The following LRP1B variants were observed in gnomAD, a reference collection of about 807,000 sequenced individuals.
The protein encoded by LRP1B is low-density lipoprotein receptor-related protein 1B.
LRP1B carries 217 observed loss-of-function variants against 556.6 expected under a neutral mutation model. The ratio of observed to expected loss-of-function variants is 0.39; its 90% CI spans 0.35 to 0.44. LRP1B has a LOEUF of 0.44. LRP1B is among the 20% of genes least tolerant of loss of function. The pLI is 1.00. For synonymous variants in LRP1B, 2,047 were observed against 1,865.8 expected, an observed-to-expected ratio of 1.10 and a Z score of -2.50; for missense variants, 5,053 against 5,620.8, an observed-to-expected ratio of 0.90 and a Z score of 3.23.
At chr2:141,341,469 C>T (rs1354177523) in intron 3 of LRP1B, among the ~76,000 whole-genome samples, 2 of 152,178 alleles carry the variant, frequency 1.3e-5, no homozygotes, top group African/African-American at 2.4e-5. Context: ...CTCTTTCCCT[C>T]CCTCTCTCTA....
At chr2:141,649,054 G>T (rs1442667255) in intron 2 of LRP1B, among the ~76,000 whole-genome samples, 1 of 152,222 alleles carries the variant, frequency 6.6e-6, no homozygotes, top group Non-Finnish European at 1.5e-5. Flanking sequence ...TAATAGAGAA[G>T]ACAGGGTAGG....
intron 11 of LRP1B, among the ~76,000 whole-genome samples, chr2:141,033,119 A>C (rs113623892): frequency 0.026 from 3,968 of 151,746 alleles, 73 homozygotes; most frequent in Non-Finnish European, 0.032. Flanking sequence ...CAGGACAGAA[A>C]ACAGCACGTG....
At chr2:142,110,240 C>T (rs1383269531) in intron 1 of LRP1B, among the ~76,000 whole-genome samples, 1 of 151,964 alleles carries the variant, frequency 6.6e-6, no homozygotes. Context: ...ATAGATGGTC[C>T]TTTTCTCCAT....
At chr2:141,624,036 C>CAAAAAAAAAAAAAAAAAAAGAAAAAA in intron 2 of LRP1B, among the ~76,000 whole-genome samples, 1 of 90,760 alleles carries the variant, frequency 1.1e-5, no homozygotes, top group Non-Finnish European at 2.1e-5. Flanking sequence ...AAAAATTAAA[C>CAAAAAAAAAAAAAAAAAAAGAAAAAA]AAAAAAAAAA....
intron 1 of LRP1B, among the ~76,000 whole-genome samples, chr2:142,098,261 G>A (rs1449577697): frequency 6.6e-6 from 1 of 151,730 alleles, no homozygotes; most frequent in Non-Finnish European, 1.5e-5. Context: ...ATTATCAAGA[G>A]TGCCAAATAC....
chr2:140,365,370 G>C (rs1682711997), intron 71 of LRP1B, among the ~76,000 whole-genome samples: 2 of 151,576 alleles, frequency 1.3e-5, no homozygotes, highest in South Asian at 4.1e-4. Context: ...TTTTTGGATT[G>C]TTAAAATGTT....
chr2:142,062,412 T>C (rs753767844), intron 1 of LRP1B, among the ~76,000 whole-genome samples: 20 of 151,748 alleles, frequency 1.3e-4, no homozygotes, highest in Non-Finnish European at 2.7e-4. Flanking sequence ...CCATGAAGCC[T>C]GCCAATCAAA....
intron 7 of LRP1B, among the ~76,000 whole-genome samples, chr2:141,104,151 T>C (rs1700541356): frequency 6.6e-6 from 1 of 152,076 alleles, no homozygotes; most frequent in Non-Finnish European, 1.5e-5. Context: ...TATCCATGTG[T>C]GCTAAATGTT....
chr2:140,263,102 A>T (rs1235390197), intron 86 of LRP1B, among the ~76,000 whole-genome samples: 3 of 151,974 alleles, frequency 2.0e-5, no homozygotes, highest in African/African-American at 7.2e-5. Flanking sequence ...TTTGGTAGAG[A>T]TGGACCAACT....
intron 1 of LRP1B, among the ~76,000 whole-genome samples, chr2:141,864,578 AAC>A (rs1491300870): frequency 2.6e-5 from 4 of 151,892 alleles, no homozygotes; most frequent in African/African-American, 9.6e-5. Flanking sequence ...AAAAAAAAAA[AAC>A]TTATGAAACT....
chr2:142,038,290 C>T (rs894797994), intron 1 of LRP1B, among the ~76,000 whole-genome samples: 4 of 151,312 alleles, frequency 2.6e-5, no homozygotes, highest in Non-Finnish European at 5.9e-5. Context: ...GTTTGGTCCC[C>T]GATGTAATTG....
chr2:140,446,567 T>A (rs997005486), intron 63 of LRP1B, among the ~76,000 whole-genome samples: 1 of 152,096 alleles, frequency 6.6e-6, no homozygotes, highest in African/African-American at 2.4e-5. Flanking sequence ...CATAGACTCT[T>A]GCATATAATT....
chr2:140,649,718 A>G (rs1242520647), intron 41 of LRP1B, among the ~76,000 whole-genome samples: 1 of 152,252 alleles, frequency 6.6e-6, no homozygotes, highest in Admixed American at 6.5e-5. Flanking sequence ...CCTCCTCACC[A>G]GATCCCGTGA....
chr2:140,500,855 C>G (rs1281130354), intron 55 of LRP1B, among the ~76,000 whole-genome samples: 1 of 151,892 alleles, frequency 6.6e-6, no homozygotes, highest in Non-Finnish European at 1.5e-5. Flanking sequence ...AAAATTTAAA[C>G]CCTGTAATGG....
At chr2:140,645,585 G>T (rs1408048917) in intron 41 of LRP1B, among the ~76,000 whole-genome samples, 1 of 135,742 alleles carries the variant, frequency 7.4e-6, no homozygotes, top group Non-Finnish European at 1.5e-5. Context: ...TGTCGCCCAG[G>T]CTGGAGTGCA....
chr2:140,970,079 G>A (rs1323301015), intron 18 of LRP1B, among the ~76,000 whole-genome samples: 1 of 152,140 alleles, frequency 6.6e-6, no homozygotes, highest in East Asian at 1.9e-4. Context: ...GGCCTTGCTA[G>A]GTTGGGGAAG....
At chr2:141,528,058 T>C (rs1050632410) in intron 2 of LRP1B, among the ~76,000 whole-genome samples, 2 of 151,852 alleles carry the variant, frequency 1.3e-5, no homozygotes, top group Non-Finnish European at 2.9e-5. Flanking sequence ...GCCTCTGATA[T>C]TTGACTCTGC....
chr2:141,291,855 CAAAAAAAAAAAAAAAAA>C (rs143819331), intron 3 of LRP1B, among the ~76,000 whole-genome samples: 7 of 99,314 alleles, frequency 7.0e-5, no homozygotes, highest in East Asian at 2.4e-4. Context: ...GACTCTGTCT[CAAAAAAAAAAAAAAAAA>C]AAAAAAAAAA....
In LRP1B at chr2:141,589,845, G is replaced by T. The variant is rs908100849; in HGVS notation, c.206-109312C>A. Among the ~76,000 whole-genome samples, 3 of 152,234 alleles carry T rather than the reference G, an allele frequency of 2.0e-5. No individual in the cohort carries two copies. The East Asian group carries it at 5.8e-4, about 29-fold the overall frequency. On this transcript the variant is annotated intron_variant, in intron 2 of 90. Transcript: ENST00000389484. The stretch of plus-strand genomic sequence containing the variant: ...TGGGTATGTTATGGAAACAAATTAA[G>T]TTATGTCTGGAAGAGTTAGGGTGCA...
Sources: allele counts gnomAD v4.1 joint callset (sites outside exome capture counted in the v4.1 genomes callset), GRCh38; gene constraint gnomAD v4.1.1; transcripts MANE v1.5; gene names NCBI Gene and HGNC (gene_info 2026-07-23, HGNC 2026-07-21).